Variants in KAZN observed in about 807,000 individuals in gnomAD.
KAZN encodes kazrin, periplakin interacting protein.
Under a neutral mutation model 87.4 loss-of-function variants are expected in KAZN, and 40 were observed. The observed-to-expected ratio is 0.46, with a 90% confidence interval of 0.36 to 0.60. The LOEUF (loss-of-function observed/expected upper bound fraction) is 0.60. Ranked by LOEUF, KAZN falls within the 20% of genes least tolerant of loss-of-function variation. KAZN has a pLI of 0.00. For missense variants in KAZN, 898 were observed against 1,073.9 expected, an observed-to-expected ratio of 0.84 and a Z score of 2.29; for synonymous variants, 466 against 458.3, an observed-to-expected ratio of 1.02 and a Z score of -0.22.
intron 8 of KAZN, among the ~76,000 whole-genome samples, chr1:15,080,428 C>T (rs377116559): frequency 4.3e-4 from 66 of 152,142 alleles, no homozygotes; most frequent in African/African-American, 1.5e-3. Context: ...CCTGCCACCT[C>T]GCTGCCCACC....
intron 2 of KAZN, among the ~76,000 whole-genome samples, chr1:14,211,566 G>A (rs1011886653): frequency 1.3e-5 from 2 of 152,118 alleles, no homozygotes; most frequent in Non-Finnish European, 2.9e-5. Context: ...GAATAGGGAA[G>A]ATAAGACTGG....
At chr1:13,903,885 A>C (rs1639339146) in intron 1 of KAZN, among the ~76,000 whole-genome samples, 1 of 152,132 alleles carries the variant, frequency 6.6e-6, no homozygotes, top group Admixed American at 6.5e-5. Context: ...GTGAATCTGA[A>C]AAGGAATGTA....
At chr1:14,929,500 C>A (rs1180610397) in intron 1 of KAZN, among the ~76,000 whole-genome samples, 2 of 152,110 alleles carry the variant, frequency 1.3e-5, no homozygotes. Flanking sequence ...AAAATAGCAC[C>A]CCTGGCTCTG....
chr1:15,059,909 C>A (rs1407725149), intron 5 of KAZN, among the ~76,000 whole-genome samples: 1 of 152,178 alleles, frequency 6.6e-6, no homozygotes, highest in East Asian at 1.9e-4. Flanking sequence ...GACTTGAAAA[C>A]TTCCATGTCT....
At chr1:14,008,559 A>C (rs1261306383) in intron 1 of KAZN, among the ~76,000 whole-genome samples, 4 of 152,226 alleles carry the variant, frequency 2.6e-5, no homozygotes, top group Admixed American at 6.5e-5. Context: ...AGCTCTGAAA[A>C]GGGTCTTAAT....
intron 2 of KAZN, among the ~76,000 whole-genome samples, chr1:14,397,861 CAAA>C (rs761120479): frequency 2.5e-5 from 1 of 40,634 alleles, no homozygotes; most frequent in Non-Finnish European, 5.4e-5. Context: ...AACTCCATCT[CAAA>C]AAAAAAAAAA....
At chr1:14,162,870 C>G (rs116115955) in intron 1 of KAZN, among the ~76,000 whole-genome samples, 4,390 of 152,218 alleles carry the variant, frequency 0.029, 210 homozygotes, top group African/African-American at 0.1. Flanking sequence ...AGTGTTTTTC[C>G]AAGAAAGCTC....
intron 1 of KAZN, among the ~76,000 whole-genome samples, chr1:14,715,001 T>C (rs1423096123): frequency 6.6e-6 from 1 of 152,020 alleles, no homozygotes; most frequent in Non-Finnish European, 1.5e-5. Context: ...TTCACTATGT[T>C]GCCCAGGCTG....
intron 2 of KAZN, among the ~76,000 whole-genome samples, chr1:14,256,681 C>T (rs182216402): frequency 2.6e-5 from 4 of 152,214 alleles, no homozygotes; most frequent in East Asian, 3.9e-4. Flanking sequence ...TTAGGTTTCC[C>T]GAGCCTCAGT....
chr1:14,729,601 G>A (rs542686493), intron 1 of KAZN, among the ~76,000 whole-genome samples: 3 of 152,282 alleles, frequency 2.0e-5, no homozygotes, highest in South Asian at 2.1e-4. Context: ...ACAGTGTCTC[G>A]AGATTCCACT....
chr1:14,012,534 G>T (rs1232572432), intron 1 of KAZN, among the ~76,000 whole-genome samples: 9 of 152,140 alleles, frequency 5.9e-5, no homozygotes, highest in Non-Finnish European at 1.3e-4. Context: ...TACATATTAG[G>T]CTGGGCAAGG....
At chr1:14,177,964 C>G (rs1375117810) in intron 1 of KAZN, among the ~76,000 whole-genome samples, 1 of 152,032 alleles carries the variant, frequency 6.6e-6, no homozygotes, top group Admixed American at 6.6e-5. Context: ...ACACAAATAT[C>G]TTGAATTGTA....
intron 2 of KAZN, among the ~76,000 whole-genome samples, chr1:14,211,643 G>C (rs1646855375): frequency 6.6e-6 from 1 of 152,180 alleles, no homozygotes; most frequent in Non-Finnish European, 1.5e-5. Flanking sequence ...GGGCTTGAGA[G>C]AGCTGATTAA....
At chr1:13,911,355 A>G (rs1639646336) in intron 1 of KAZN, among the ~76,000 whole-genome samples, 1 of 152,166 alleles carries the variant, frequency 6.6e-6, no homozygotes, top group African/African-American at 2.4e-5. Flanking sequence ...GGCTGGTGCC[A>G]CACACTTATA....
intron 2 of KAZN, among the ~76,000 whole-genome samples, chr1:14,550,739 C>CTCTCCCTCTCT (rs1480745409): frequency 1.4e-5 from 1 of 69,968 alleles, no homozygotes; most frequent in Non-Finnish European, 3.3e-5. Context: ...CTCTCTCTCT[C>CTCTCCCTCTCT]CCCCACCCCG....
intron 1 of KAZN, among the ~76,000 whole-genome samples, chr1:14,776,546 G>A (rs1364798519): frequency 1.3e-5 from 2 of 152,128 alleles, no homozygotes; most frequent in Non-Finnish European, 2.9e-5. Context: ...GGTGCTGTCC[G>A]AGATGTCTAA....
intron 2 of KAZN, among the ~76,000 whole-genome samples, chr1:14,220,696 C>T (rs552705426): frequency 2.0e-5 from 3 of 152,210 alleles, no homozygotes; most frequent in East Asian, 1.9e-4. Flanking sequence ...TTAATGCAGC[C>T]GTCAACACTA....
intron 1 of KAZN, among the ~76,000 whole-genome samples, chr1:14,667,806 CA>C (rs33915856): frequency 0.24 from 28,196 of 115,546 alleles, 2,637 homozygotes; most frequent in South Asian, 0.33. Context: ...GATGAGTTCT[CA>C]AAAAAAAAAA....
chr1:14,749,378 G>T (rs7521033), intron 1 of KAZN, among the ~76,000 whole-genome samples: 5,209 of 152,288 alleles, frequency 0.034, 292 homozygotes, highest in African/African-American at 0.12. Flanking sequence ...TTCTGCATCA[G>T]TTATAGCCAC....
Sources: allele counts gnomAD v4.1 joint callset (sites outside exome capture counted in the v4.1 genomes callset), GRCh38; gene constraint gnomAD v4.1.1; transcripts MANE v1.5; gene names NCBI Gene and HGNC (gene_info 2026-07-23, HGNC 2026-07-21).